The following CACNA1D variants were observed in gnomAD, a reference collection of about 807,000 sequenced individuals.
CACNA1D encodes the protein calcium voltage-gated channel subunit alpha1 D, also known as voltage-dependent L-type calcium channel subunit alpha-1D.
CACNA1D carries 55 observed loss-of-function variants against 257.1 expected under a neutral mutation model. That is an observed-to-expected ratio of 0.21 (90% CI 0.17 to 0.27). The LOEUF (loss-of-function observed/expected upper bound fraction) is 0.27. CACNA1D is among the 10% of genes least tolerant of loss of function. The pLI is 1.00. For missense variants in CACNA1D, 1,876 were observed against 2,784.0 expected (o/e 0.67, Z 7.34); for synonymous variants, 980 against 1,014.9 (o/e 0.97, Z 0.65).
intron 3 of CACNA1D, among the ~76,000 whole-genome samples, chr3:53,631,599 C>T (rs1003725028): frequency 2.6e-5 from 4 of 152,198 alleles, no homozygotes; most frequent in African/African-American, 9.7e-5. Flanking sequence ...TTAATGACAT[C>T]CAGAATGGTG....
At chr3:53,768,964 T>C (rs2095350745) in intron 30 of CACNA1D, among the ~76,000 whole-genome samples, 1 of 152,220 alleles carries the variant, frequency 6.6e-6, no homozygotes, top group African/African-American at 2.4e-5. Context: ...CTCTGTCGGC[T>C]CCTGGTGACA....
At chr3:53,522,168 A>G (rs2091604909) in intron 3 of CACNA1D, among the ~76,000 whole-genome samples, 1 of 152,092 alleles carries the variant, frequency 6.6e-6, no homozygotes, top group Non-Finnish European at 1.5e-5. Context: ...TTCCTTATTT[A>G]TATATGGCCA....
intron 3 of CACNA1D, among the ~76,000 whole-genome samples, chr3:53,556,412 C>T (rs916358860): frequency 2.6e-5 from 4 of 152,172 alleles, no homozygotes; most frequent in African/African-American, 9.7e-5. Flanking sequence ...AACACTTAAT[C>T]GTGTCAGTAC....
chr3:53,617,257 T>C (rs1198118106), intron 3 of CACNA1D, among the ~76,000 whole-genome samples: 2 of 151,854 alleles, frequency 1.3e-5, no homozygotes, highest in African/African-American at 4.8e-5. Flanking sequence ...CTCCACTGTC[T>C]CCCCCAATTC....
chr3:53,544,086 G>A (rs2092360869), intron 3 of CACNA1D, among the ~76,000 whole-genome samples: 1 of 152,150 alleles, frequency 6.6e-6, no homozygotes, highest in South Asian at 2.1e-4. Flanking sequence ...CCTTGGGACT[G>A]AGGACATACA....
In CACNA1D at chr3:53,730,578, G is replaced by A. The variant is rs764943755; in HGVS notation, c.2336+22G>A. ...CCAGGTAACCCTATTTTCCCCTGAC[G>A]TGTTTGTCCAGGGGCTGTGTTGGGA... On this transcript the variant is annotated intron_variant, in intron 16 of 47. Coordinates refer to ENST00000350061, the MANE Select transcript of CACNA1D (RefSeq NM_001128840.3). 22 of 1,547,534 alleles carry A rather than the reference G, an allele frequency of 1.4e-5. No individual in the cohort carries two copies. In the South Asian group the frequency reaches 2.2e-4, roughly 16 times the overall value.
At chr3:53,750,766 G>A (rs1038905596) in intron 27 of CACNA1D, among the ~76,000 whole-genome samples, 5 of 152,292 alleles carry the variant, frequency 3.3e-5, no homozygotes, top group East Asian at 1.9e-4. Context: ...TCAGAGCAGC[G>A]CCGGGTCCCA....
chr3:53,781,504 C>A, intron 38 of CACNA1D, 62 bp from the exon 39 acceptor site: 3 of 1,094,180 alleles, frequency 2.7e-6, no homozygotes, highest in Non-Finnish European at 4.2e-6. Flanking sequence ...GCTGTGCAAG[C>A]AGAGGAGGAG....
intron 3 of CACNA1D, among the ~76,000 whole-genome samples, chr3:53,504,138 C>T (rs1420302822): frequency 6.6e-6 from 1 of 151,534 alleles, no homozygotes; most frequent in Non-Finnish European, 1.5e-5. Flanking sequence ...GGCAGCTGAA[C>T]GAAACTTATT....
At chr3:53,598,609 C>T (rs1469061564) in intron 3 of CACNA1D, among the ~76,000 whole-genome samples, 1 of 150,444 alleles carries the variant, frequency 6.6e-6, no homozygotes, top group Non-Finnish European at 1.5e-5. Flanking sequence ...AAAAAGAAAA[C>T]CAAAGCAAAG....
rs553104147 is a variant in CACNA1D, at chr3:53,614,622, A to C, written c.484-36157A>C. The stretch of plus-strand genomic sequence containing the variant: ...GCCAGTTGACAAAGGAAGAATATTT[A>C]TAAGGCCCACATTCGTTTCACAGAA... On this transcript the variant is annotated intron_variant, in intron 3 of 47. Coordinates refer to ENST00000350061, the MANE Select transcript of CACNA1D (RefSeq NM_001128840.3). 1.6e-4 allele frequency among the ~76,000 whole-genome samples: 24 copies of C among 152,328 alleles called. 1 individual carries two copies. The highest frequency in any genetic ancestry group is 3.9e-4 in the Admixed American group (6 of 15,310).
chr3:53,767,719 C>T (rs1372712819), intron 30 of CACNA1D, among the ~76,000 whole-genome samples: 3 of 152,180 alleles, frequency 2.0e-5, no homozygotes, highest in African/African-American at 7.2e-5. Flanking sequence ...GAGAGCTGGC[C>T]TCCCCTTTTC....
intron 3 of CACNA1D, among the ~76,000 whole-genome samples, chr3:53,607,873 C>G (rs1303368818): frequency 6.6e-6 from 1 of 152,136 alleles, no homozygotes; most frequent in Non-Finnish European, 1.5e-5. Context: ...CTATTCTTTC[C>G]TATTGGACTG....
chr3:53,750,024 G>A lies in CACNA1D; in HGVS notation c.3516+555G>A, dbSNP rs1460815590. Among the ~76,000 whole-genome samples the A allele has an allele frequency of 3.9e-5, 6 of 152,202 alleles. No homozygotes were observed. The East Asian group carries it at 5.8e-4, about 15-fold the overall frequency. ...GACATTGCCAAGTGTCCTTTGGGGG[G>A]CAAAGCTGCCCCTTGTTGAGAACTG... On this transcript the variant is annotated intron_variant, in intron 27 of 47. Coordinates refer to ENST00000350061, the MANE Select transcript of CACNA1D (RefSeq NM_001128840.3).
Position 53,495,109 on chromosome 3 carries a change from C to A in CACNA1D, c.-58C>A. 7.1e-7 allele frequency: 1 copy of A among 1,408,338 alleles called. No individual in the cohort carries two copies. The highest frequency in any genetic ancestry group is 1.4e-5 in the African/African-American group (1 of 71,264). The allele number at this position is 1,408,338 out of a possible 1,614,324, so 87.2% of individuals were successfully genotyped here. The stretch of plus-strand genomic sequence containing the variant: ...GTGATCCCCTTCCCCATTCCGCCCC[C>A]GCCTCAACGCCCAGCACAGTGCCCT... On this transcript the variant is annotated 5_prime_UTR_variant, in exon 1 of 48. Transcript: ENST00000350061. This position sits in a 1 kb window ranked among gnomAD's most constrained non-coding sequence, Gnocchi z 5.1.
intron 3 of CACNA1D, among the ~76,000 whole-genome samples, chr3:53,507,965 A>T (rs2090925160): frequency 7.9e-6 from 1 of 126,444 alleles, no homozygotes; most frequent in African/African-American, 2.6e-5. Flanking sequence ...ATGGCATCAG[A>T]CACAGCTGGA....
chr3:53,804,276 T>C (rs2095550724), intron 44 of CACNA1D, among the ~76,000 whole-genome samples: 1 of 152,074 alleles, frequency 6.6e-6, no homozygotes, highest in South Asian at 2.1e-4. Context: ...CACCCTCTGC[T>C]CCCGCAGCCC....
At chr3:53,573,253 G>A (rs945549567) in intron 3 of CACNA1D, among the ~76,000 whole-genome samples, 2 of 152,084 alleles carry the variant, frequency 1.3e-5, no homozygotes. Context: ...TGGCAGGAAA[G>A]GGCTGACATT....
chr3:53,744,604 A>T, intron 22 of CACNA1D, 136 bp from the exon 23 acceptor site: 1 of 741,396 alleles, frequency 1.3e-6, no homozygotes, highest in Admixed American at 1.8e-5. Context: ...GTGAAGAGAG[A>T]TCAGCTCAGC....
Sources: allele counts gnomAD v4.1 joint callset (sites outside exome capture counted in the v4.1 genomes callset), GRCh38; gene constraint gnomAD v4.1.1; non-coding constraint Gnocchi (gnomAD v3.1); transcripts MANE v1.5; gene names NCBI Gene and HGNC (gene_info 2026-07-23, HGNC 2026-07-21).